The following CTNNA2 variants were observed in gnomAD, a reference collection of about 807,000 sequenced individuals.
CTNNA2 encodes the protein catenin alpha 2.
Under a neutral mutation model 101.0 loss-of-function variants are expected in CTNNA2, and 42 were observed. The observed-to-expected ratio is 0.42, with a 90% CI of 0.32 to 0.54. CTNNA2 has a LOEUF of 0.54. Among genes scored for constraint, CTNNA2 ranks in the 20% least tolerant of loss-of-function variants. The probability of loss-of-function intolerance (pLI) is 0.14; values close to 1 mark genes in which losing one functional copy is unlikely to be tolerated. For missense variants in CTNNA2, 871 were observed against 1,223.1 expected (o/e 0.71, Z 4.29); for synonymous variants, 450 against 456.4 (o/e 0.99, Z 0.18).
intron 11 of CTNNA2, among the ~76,000 whole-genome samples, chr2:80,550,437 A>G (rs1692468247): frequency 6.6e-6 from 1 of 152,162 alleles, no homozygotes; most frequent in Non-Finnish European, 1.5e-5. Flanking sequence ...TTGATTGACT[A>G]TTCCTTTACA....
chr2:79,359,823 G>T (rs1446242866), intron 3 of CTNNA2, among the ~76,000 whole-genome samples: 1 of 152,022 alleles, frequency 6.6e-6, no homozygotes, highest in Non-Finnish European at 1.5e-5. Flanking sequence ...AGGTAAGTGT[G>T]ATAGGGGACC....
rs188836079 is a variant in CTNNA2, at chr2:80,368,277, A to C, written c.1057-24934A>C. ...AAGTTATGGGTTGCACTGAGGATTA[A>C]AATGAAATAAGGCATTGAAAAGTAT... On this transcript the variant is annotated intron_variant, in intron 7 of 18. Coordinates refer to ENST00000402739, the MANE Select transcript of CTNNA2 (RefSeq NM_001282597.3). Among the ~76,000 whole-genome samples, 283 of 152,320 alleles carry C rather than the reference A, an allele frequency of 1.9e-3. 1 individual carries two copies. Among genetic ancestry groups the C allele is most frequent in the Admixed American group, 3.0e-3 (46 of 15,290 alleles).
At chr2:80,497,982 T>A (rs1399491894) in intron 9 of CTNNA2, among the ~76,000 whole-genome samples, 2 of 152,208 alleles carry the variant, frequency 1.3e-5, no homozygotes, top group East Asian at 3.9e-4. Context: ...GCTGAACTCC[T>A]AACCATGGAA....
intron 18 of CTNNA2, 103 bp downstream of exon 18, chr2:80,619,331 G>T: frequency 7.8e-7 from 1 of 1,287,598 alleles, no homozygotes; most frequent in Non-Finnish European, 1.0e-6. Context: ...CCCACTGAAG[G>T]CCTCTTAATA....
At chr2:80,265,976 C>A (rs552721381) in intron 7 of CTNNA2, among the ~76,000 whole-genome samples, 3 of 152,164 alleles carry the variant, frequency 2.0e-5, no homozygotes, top group African/African-American at 7.2e-5. Context: ...GTTAAACTGT[C>A]GGCAGAGTTT....
intron 2 of CTNNA2, among the ~76,000 whole-genome samples, chr2:79,209,858 TC>T (rs1043227197): frequency 2.7e-4 from 41 of 152,160 alleles, no homozygotes; most frequent in Non-Finnish European, 2.5e-4. Context: ...CCCTATACTC[TC>T]CTGTTGGGAC....
chr2:80,575,773 A>AAC (rs963963067), intron 13 of CTNNA2, among the ~76,000 whole-genome samples: 86 of 151,558 alleles, frequency 5.7e-4, no homozygotes, highest in East Asian at 2.3e-3. Context: ...CATGAGCTGT[A>AAC]ACACACACAC....
chr2:79,944,538 T>G (rs781362235), intron 7 of CTNNA2, among the ~76,000 whole-genome samples: 54 of 152,166 alleles, frequency 3.5e-4, no homozygotes, highest in Non-Finnish European at 7.5e-4. Flanking sequence ...GGACTACAAA[T>G]ACTGGGGCAT....
chr2:79,823,473 G>A (rs1048952198), intron 3 of CTNNA2, among the ~76,000 whole-genome samples: 7 of 151,952 alleles, frequency 4.6e-5, no homozygotes, highest in Non-Finnish European at 8.8e-5. Flanking sequence ...AGCTGAGATC[G>A]CATCACTGCA....
intron 2 of CTNNA2, among the ~76,000 whole-genome samples, chr2:79,728,708 G>A (rs1359220589): frequency 6.6e-6 from 1 of 152,116 alleles, no homozygotes; most frequent in African/African-American, 2.4e-5. Flanking sequence ...TGTGGTTTTA[G>A]GTCTAATGCT....
chr2:80,352,076 G>C (rs756957522), intron 7 of CTNNA2, among the ~76,000 whole-genome samples: 1 of 152,066 alleles, frequency 6.6e-6, no homozygotes, highest in Non-Finnish European at 1.5e-5. Flanking sequence ...CACCTTGAGT[G>C]TGCCCACTGC....
intron 3 of CTNNA2, among the ~76,000 whole-genome samples, chr2:79,756,968 A>T (rs550605112): frequency 3.9e-4 from 59 of 152,334 alleles, no homozygotes; most frequent in African/African-American, 1.4e-3. Flanking sequence ...ATTCAGATGC[A>T]ATATGATATA....
intron 7 of CTNNA2, among the ~76,000 whole-genome samples, chr2:80,290,747 A>G (rs1282337965): frequency 1.3e-5 from 2 of 152,152 alleles, no homozygotes; most frequent in Non-Finnish European, 2.9e-5. Context: ...TTGCTCCCTC[A>G]GTGCCATTTT....
chr2:80,622,073 A>C (rs2149809371), intron 18 of CTNNA2, among the ~76,000 whole-genome samples: 1 of 152,102 alleles, frequency 6.6e-6, no homozygotes, highest in East Asian at 1.9e-4. Flanking sequence ...GACATGTGTC[A>C]AAATCAAAAT....
At chr2:80,458,875 A>G (rs551935542) in intron 9 of CTNNA2, among the ~76,000 whole-genome samples, 1 of 152,316 alleles carries the variant, frequency 6.6e-6, no homozygotes, top group Non-Finnish European at 1.5e-5. Context: ...GGGCTACATA[A>G]GGACATTTCA....
intron 18 of CTNNA2, among the ~76,000 whole-genome samples, chr2:80,645,204 A>T (rs1673939208): frequency 6.6e-6 from 1 of 152,132 alleles, no homozygotes; most frequent in African/African-American, 2.4e-5. Context: ...AATTAACATT[A>T]CTCATTTTTG....
chr2:79,754,272 TCTC>T lies in CTNNA2; in HGVS notation c.298+9693_298+9695del, dbSNP rs142821231. 3.4e-3 allele frequency among the ~76,000 whole-genome samples: 523 copies of T among 152,218 alleles called. 4 individuals are homozygous for T. The highest frequency in any genetic ancestry group is 0.012 in the African/African-American group (508 of 41,552). ...AACATGACAGAGCATGACAGAAAGT[TCTC>T]CTTCACATATCTGAGAGGTCATAAG... is the stretch of plus-strand genomic sequence containing the variant. On this transcript the variant is annotated intron_variant, in intron 3 of 18. Transcript: ENST00000402739.
At chr2:79,607,640 G>C (rs574553251) in intron 1 of CTNNA2, among the ~76,000 whole-genome samples, 6 of 152,126 alleles carry the variant, frequency 3.9e-5, no homozygotes, top group Non-Finnish European at 7.4e-5. Flanking sequence ...CCAAATATTT[G>C]GGTGGCAAAT....
At chr2:80,161,990 A>G (rs1041827192) in intron 7 of CTNNA2, among the ~76,000 whole-genome samples, 1 of 152,156 alleles carries the variant, frequency 6.6e-6, no homozygotes, top group African/African-American at 2.4e-5. Context: ...AAACTTTACC[A>G]ATAAGCCTTC....
Sources: allele counts gnomAD v4.1 joint callset (sites outside exome capture counted in the v4.1 genomes callset), GRCh38; gene constraint gnomAD v4.1.1; transcripts MANE v1.5; gene names NCBI Gene and HGNC (gene_info 2026-07-23, HGNC 2026-07-21).